TBL1X: variants seen among roughly 807,000 people sequenced by gnomAD.
TBL1X encodes transducin beta like 1 X-linked.
TBL1X carries 10 observed loss-of-function variants against 50.7 expected under a neutral mutation model. The observed-to-expected ratio is 0.20, with a 90% CI of 0.12 to 0.33. The LOEUF (loss-of-function observed/expected upper bound fraction) is 0.33, where lower values mean the gene tolerates loss of function less well. Among genes scored for constraint, TBL1X ranks in the 10% least tolerant of loss-of-function variants. TBL1X has a pLI of 1.00. For missense variants in TBL1X, 340 were observed against 504.4 expected (o/e 0.67, Z 3.12); for synonymous variants, 190 against 214.7 (o/e 0.88, Z 1.01).
intron 5 of TBL1X, 39 bp downstream of exon 5, chrX:9,654,361 A>G (rs2082853593): frequency 4.3e-6 from 5 of 1,150,262 alleles, no homozygotes; most frequent in Non-Finnish European, 3.6e-6. Flanking sequence ...AAATTCATCT[A>G]CAGCATCTTA....
intron 5 of TBL1X, among the ~76,000 whole-genome samples, chrX:9,663,141 T>C (rs2082908227): frequency 9.0e-6 from 1 of 111,469 alleles, no homozygotes; most frequent in Non-Finnish European, 1.9e-5. Flanking sequence ...ATATTAATAT[T>C]ACTAATATTA....
chrX:9,486,945 G>A (rs572239247), intron 1 of TBL1X, among the ~76,000 whole-genome samples: 16 of 111,466 alleles, frequency 1.4e-4, no homozygotes, highest in African/African-American at 4.2e-4. Context: ...AGGTACCTCC[G>A]GTCACCGCTT....
intron 2 of TBL1X, among the ~76,000 whole-genome samples, chrX:9,576,705 A>C (rs1469382249): frequency 9.3e-6 from 1 of 107,825 alleles, no homozygotes; most frequent in Non-Finnish European, 1.9e-5. Context: ...TAAAAAAAAA[A>C]AAAAAAAAAA....
chrX:9,533,332 A>G (rs973527800), intron 2 of TBL1X, among the ~76,000 whole-genome samples: 1 of 111,092 alleles, frequency 9.0e-6, no homozygotes, highest in Non-Finnish European at 1.9e-5. Flanking sequence ...CTACTCTCCA[A>G]TTTCATCATA....
intron 2 of TBL1X, among the ~76,000 whole-genome samples, chrX:9,622,364 T>C (rs1201040812): frequency 9.0e-6 from 1 of 111,611 alleles, no homozygotes; most frequent in African/African-American, 3.3e-5. Flanking sequence ...TGACTTCATA[T>C]AGTGGAATCA....
chrX:9,692,378 A>G (rs1257393013), intron 9 of TBL1X, 124 bp downstream of exon 9: 11 of 856,234 alleles, frequency 1.3e-5, no homozygotes, highest in Admixed American at 1.1e-4. Flanking sequence ...CTCAGCCCCC[A>G]CTCTGATGGG....
At position 9,716,348 on chromosome X, in the gene TBL1X, T is replaced by C; in HGVS notation, c.*102T>C. On this transcript the variant is annotated 3_prime_UTR_variant, in exon 18 of 18. Transcript: ENST00000645353. The stretch of plus-strand genomic sequence containing the variant: ...AAAACTGTAGGAACTTGACTTGCGT[T>C]AGAGTGTACTCTGAAACCAACTCGT... 2 of 892,643 alleles carry C rather than the reference T, an allele frequency of 2.2e-6. No homozygotes were observed. The highest frequency in any genetic ancestry group is 3.2e-6 in the Non-Finnish European group (2 of 631,868). 73.6% of individuals were successfully genotyped at this position (892,643 alleles called of 1,213,427 possible).
intron 2 of TBL1X, among the ~76,000 whole-genome samples, chrX:9,556,661 G>GAA (rs367940114): frequency 9.8e-6 from 1 of 101,860 alleles, no homozygotes; most frequent in African/African-American, 3.5e-5. Flanking sequence ...AAAGAAACTG[G>GAA]AAAAAAAAAA....
At chrX:9,652,945 T>G (rs1020015546) in intron 3 of TBL1X, among the ~76,000 whole-genome samples, 1 of 110,273 alleles carries the variant, frequency 9.1e-6, no homozygotes, top group African/African-American at 3.3e-5. Context: ...GGCGGGTGGG[T>G]CACGAGGTCA....
intron 2 of TBL1X, among the ~76,000 whole-genome samples, chrX:9,516,427 A>G (rs2681643): frequency 0.46 from 50,855 of 110,908 alleles, 8,801 homozygotes; most frequent in Admixed American, 0.62. Flanking sequence ...ATAAGCGAAA[A>G]TACAGCCTTT....
intron 13 of TBL1X, among the ~76,000 whole-genome samples, chrX:9,706,032 G>T (rs1182095624): frequency 9.0e-6 from 1 of 110,578 alleles, no homozygotes; most frequent in Non-Finnish European, 1.9e-5. Context: ...AGTGGGGGGG[G>T]TGTCACATAC....
intron 2 of TBL1X, among the ~76,000 whole-genome samples, chrX:9,571,252 G>A (rs1199088536): frequency 3.6e-5 from 4 of 111,456 alleles, no homozygotes; most frequent in African/African-American, 6.5e-5. Context: ...GGGTGGGGTG[G>A]AGGGGCAAGC....
At chrX:9,627,688 C>T (rs2082699475) in intron 2 of TBL1X, among the ~76,000 whole-genome samples, 1 of 112,205 alleles carries the variant, frequency 8.9e-6, no homozygotes, top group Non-Finnish European at 1.9e-5. Flanking sequence ...TCTCATTGTG[C>T]AGAAGTAAGT....
intron 2 of TBL1X, among the ~76,000 whole-genome samples, chrX:9,630,579 T>A (rs1478368818): frequency 8.9e-6 from 1 of 112,647 alleles, no homozygotes; most frequent in Non-Finnish European, 1.9e-5. Flanking sequence ...AAATTGTTTT[T>A]ATTGTATTGT....
chrX:9,698,321 C>T (rs1186383184), intron 12 of TBL1X, among the ~76,000 whole-genome samples: 2 of 111,197 alleles, frequency 1.8e-5, no homozygotes, highest in Non-Finnish European at 3.8e-5. Flanking sequence ...TGAAACCACT[C>T]CCAGGATTGG....
chrX:9,481,649 C>T (rs2081883251), intron 1 of TBL1X, among the ~76,000 whole-genome samples: 1 of 111,898 alleles, frequency 8.9e-6, no homozygotes, highest in African/African-American at 3.2e-5. Context: ...GTAAGCTGGC[C>T]TCATACCTTG....
chrX:9,468,343 GT>G (rs1418972523), intron 1 of TBL1X, among the ~76,000 whole-genome samples: 2 of 112,276 alleles, frequency 1.8e-5, no homozygotes, highest in African/African-American at 6.5e-5. Context: ...ATTTGGGACA[GT>G]TTTGTCCCCC....
chrX:9,490,845 G>T (rs1331089896), intron 1 of TBL1X, among the ~76,000 whole-genome samples: 7 of 111,752 alleles, frequency 6.3e-5, no homozygotes, highest in Non-Finnish European at 1.1e-4. Context: ...CCGTTTATTT[G>T]GTGTGGGAAG....
chrX:9,674,679 A>ACCCCCCCCCCC (rs1569094481), intron 5 of TBL1X, among the ~76,000 whole-genome samples: 1 of 1,053 alleles, frequency 9.5e-4, no homozygotes, highest in Non-Finnish European at 1.8e-3. Flanking sequence ...CTCCCGCCTC[A>ACCCCCCCCCCC]GCCCCCCCCC....
Sources: gnomAD v4.1 joint callset for allele counts (sites outside exome capture counted in the v4.1 genomes callset) on GRCh38, gnomAD v4.1.1 for gene constraint, MANE v1.5 for transcripts, NCBI Gene and HGNC (gene_info 2026-07-23, HGNC 2026-07-21) for gene names.